Variants in DOCK3 observed in about 807,000 individuals in gnomAD.
DOCK3 encodes the protein dedicator of cytokinesis 3.
DOCK3 carries 60 observed loss-of-function variants against 265.6 expected under a neutral mutation model. That is an observed-to-expected ratio of 0.23 (90% CI 0.18 to 0.28). The LOEUF is 0.28. DOCK3 is among the 10% of genes least tolerant of loss of function. The probability of loss-of-function intolerance (pLI) is 1.00; values close to 1 mark genes in which losing one functional copy is unlikely to be tolerated. For synonymous variants in DOCK3, 881 were observed against 938.0 expected, an observed-to-expected ratio of 0.94 and a Z score of 1.11; for missense variants, 1,981 against 2,594.3, an observed-to-expected ratio of 0.76 and a Z score of 5.14.
chr3:51,037,056 C>T (rs997225925), intron 5 of DOCK3, among the ~76,000 whole-genome samples: 2 of 152,098 alleles, frequency 1.3e-5, no homozygotes, highest in Non-Finnish European at 2.9e-5. Flanking sequence ...TGAAAATGGA[C>T]TAATACACAT....
At chr3:50,854,900 G>C (rs530000269) in intron 3 of DOCK3, among the ~76,000 whole-genome samples, 2 of 151,866 alleles carry the variant, frequency 1.3e-5, no homozygotes, top group African/African-American at 4.8e-5. Flanking sequence ...TTCTCTTCCC[G>C]TTGTTTACTT....
At chr3:50,777,397 C>T (rs1249521585) in intron 1 of DOCK3, among the ~76,000 whole-genome samples, 1 of 151,980 alleles carries the variant, frequency 6.6e-6, no homozygotes, top group Non-Finnish European at 1.5e-5. Context: ...TGTTCAGGCT[C>T]TCTTTTGGTT....
chr3:51,251,353 G>A (rs2079223900), intron 22 of DOCK3, among the ~76,000 whole-genome samples: 1 of 152,186 alleles, frequency 6.6e-6, no homozygotes, highest in Non-Finnish European at 1.5e-5. Flanking sequence ...CTTTATAGCA[G>A]CATGATTTAT....
chr3:51,036,769 A>G (rs1450906781), intron 5 of DOCK3, among the ~76,000 whole-genome samples: 1 of 151,958 alleles, frequency 6.6e-6, no homozygotes, highest in Non-Finnish European at 1.5e-5. Context: ...AACAGTTGCC[A>G]TGTGTCATGG....
chr3:51,291,507 G>A (rs1294720634), intron 27 of DOCK3, among the ~76,000 whole-genome samples: 1 of 152,096 alleles, frequency 6.6e-6, no homozygotes, highest in African/African-American at 2.4e-5. Flanking sequence ...AGGAGAAAAT[G>A]ATAAATTCCT....
At chr3:50,788,780 A>T (rs1405137625) in intron 2 of DOCK3, among the ~76,000 whole-genome samples, 2 of 118,114 alleles carry the variant, frequency 1.7e-5, no homozygotes. Flanking sequence ...CAGGGTGGGC[A>T]GAGCGCAGGG....
At chr3:51,249,298 C>T (rs2079039675) in intron 22 of DOCK3, among the ~76,000 whole-genome samples, 1 of 138,856 alleles carries the variant, frequency 7.2e-6, no homozygotes, top group Non-Finnish European at 1.6e-5. Flanking sequence ...CCCCTCTGCC[C>T]AACCAGCCGC....
At chr3:50,869,068 G>A (rs377618186) in intron 3 of DOCK3, among the ~76,000 whole-genome samples, 11 of 147,410 alleles carry the variant, frequency 7.5e-5, no homozygotes, top group South Asian at 6.5e-4. Flanking sequence ...TCTGCCTCCC[G>A]GGTTCACGCC....
chr3:51,294,953 T>G (rs1230467759), intron 27 of DOCK3, among the ~76,000 whole-genome samples: 1 of 152,200 alleles, frequency 6.6e-6, no homozygotes, highest in East Asian at 1.9e-4. Flanking sequence ...TTAGCCCAAT[T>G]TGTTCATTCC....
chr3:50,812,119 C>G (rs1459277292), intron 2 of DOCK3, among the ~76,000 whole-genome samples: 3 of 152,132 alleles, frequency 2.0e-5, no homozygotes, highest in African/African-American at 7.2e-5. Flanking sequence ...ATAGGAGCAA[C>G]CTGTTGGATG....
intron 3 of DOCK3, among the ~76,000 whole-genome samples, chr3:50,864,756 T>C (rs771116341): frequency 1.2e-4 from 19 of 152,078 alleles, no homozygotes; most frequent in Non-Finnish European, 2.4e-4. Context: ...GGCTGTTAAG[T>C]GTGTGGATTT....
chr3:51,164,633 A>AG (rs901148908), intron 12 of DOCK3, among the ~76,000 whole-genome samples: 2 of 151,734 alleles, frequency 1.3e-5, no homozygotes, highest in Non-Finnish European at 2.9e-5. Context: ...CAAAAAAAAA[A>AG]AAAAAAAAGG....
At chr3:50,941,091 A>G (rs556731113) in intron 5 of DOCK3, among the ~76,000 whole-genome samples, 1 of 152,264 alleles carries the variant, frequency 6.6e-6, no homozygotes, top group East Asian at 1.9e-4. Context: ...ATCAAAACCA[A>G]AATTTTTGTT....
At chr3:51,274,536 G>C (rs142560866) in intron 24 of DOCK3, among the ~76,000 whole-genome samples, 7 of 152,272 alleles carry the variant, frequency 4.6e-5, no homozygotes, top group Non-Finnish European at 7.4e-5. Flanking sequence ...TTAGCATTTG[G>C]GGAGGACAAG....
At chr3:51,324,174 C>G (rs145747495) in intron 32 of DOCK3, among the ~76,000 whole-genome samples, 3 of 147,660 alleles carry the variant, frequency 2.0e-5, no homozygotes, top group African/African-American at 7.5e-5. Flanking sequence ...ATTTAGAAAA[C>G]CCCATTGTCT....
At chr3:50,945,523 A>C (rs905606605) in intron 5 of DOCK3, among the ~76,000 whole-genome samples, 2 of 152,150 alleles carry the variant, frequency 1.3e-5, no homozygotes, top group Non-Finnish European at 2.9e-5. Flanking sequence ...GAAATGAACA[A>C]TTTCTAGATT....
intron 19 of DOCK3, among the ~76,000 whole-genome samples, chr3:51,230,482 G>T (rs540046684): frequency 5.9e-5 from 9 of 152,028 alleles, no homozygotes; most frequent in Admixed American, 5.2e-4. Flanking sequence ...ATTCCATGGT[G>T]TACATGTACC....
At chr3:51,058,295 G>C (rs1029584889) in intron 5 of DOCK3, among the ~76,000 whole-genome samples, 1 of 152,136 alleles carries the variant, frequency 6.6e-6, no homozygotes, top group African/African-American at 2.4e-5. Context: ...AAAACTGTGG[G>C]AAAATAGATT....
chr3:51,188,246 G>C (rs2087733756), intron 12 of DOCK3, among the ~76,000 whole-genome samples: 1 of 152,152 alleles, frequency 6.6e-6, no homozygotes, highest in African/African-American at 2.4e-5. Flanking sequence ...GTTATTCTAA[G>C]AGTAAATGAA....
Sources: allele counts gnomAD v4.1 joint callset (sites outside exome capture counted in the v4.1 genomes callset), GRCh38; gene constraint gnomAD v4.1.1; transcripts MANE v1.5; gene names NCBI Gene and HGNC (gene_info 2026-07-23, HGNC 2026-07-21).